The following RSF1 variants were observed in gnomAD, a reference collection of about 807,000 sequenced individuals.
RSF1 encodes HBV pX-associated protein 8.
Under a neutral mutation model 145.2 loss-of-function variants are expected in RSF1, and 13 were observed. The observed-to-expected ratio is 0.09, with a 90% CI of 0.06 to 0.14. The LOEUF is 0.14. Among genes scored for constraint, RSF1 ranks in the 10% least tolerant of loss-of-function variants. The probability of loss-of-function intolerance (pLI) is 1.00; values close to 1 mark genes in which losing one functional copy is unlikely to be tolerated. For synonymous variants in RSF1, 577 were observed against 592.6 expected, an observed-to-expected ratio of 0.97 and a Z score of 0.38; for missense variants, 1,517 against 1,718.2, an observed-to-expected ratio of 0.88 and a Z score of 2.07.
intron 1 of RSF1, among the ~76,000 whole-genome samples, chr11:77,798,421 C>T (rs1948593569): frequency 6.6e-6 from 1 of 151,244 alleles, no homozygotes; most frequent in African/African-American, 2.4e-5. Flanking sequence ...CCCGTCTCTA[C>T]TAAAAATACA....
chr11:77,701,191 T>C lies in RSF1; in HGVS notation c.2038A>G (p.Met680Val). 6.2e-7 allele frequency: 1 copy of C among 1,614,166 alleles called. No homozygotes were observed. The highest frequency in any genetic ancestry group is 8.5e-7 in the Non-Finnish European group (1 of 1,180,026). Residue 680 changes from methionine to valine, a missense_variant, in exon 6 of 16, where the codon ATG becomes GTG. Met to Val is a conservative substitution (Grantham distance 21). Coordinates refer to ENST00000308488, the MANE Select transcript of RSF1 (RefSeq NM_016578.4). ...KEDSEFTKVE[M>V]DNLDNAQTSG... ...GTCTGGGCATTGTCCAGATTATCCA[T>C]TTCTACCTTTGTGAACTCAGAATCC...
intron 1 of RSF1, among the ~76,000 whole-genome samples, chr11:77,795,427 C>A (rs1439361518): frequency 1.3e-5 from 2 of 152,136 alleles, no homozygotes; most frequent in South Asian, 2.1e-4. Flanking sequence ...AGAGAGACAG[C>A]TGTCAACAAA....
the RSF1 span, among the ~76,000 whole-genome samples, chr11:77,849,902 C>T: frequency 1.3e-5 from 2 of 152,150 alleles, no homozygotes; most frequent in Non-Finnish European, 2.9e-5. Flanking sequence ...GATGCTTACT[C>T]CCTTCCCTTA....
chr11:77,822,585 A>G (rs1166148420), upstream of RSF1, among the ~76,000 whole-genome samples: 1 of 152,166 alleles, frequency 6.6e-6, no homozygotes, highest in African/African-American at 2.4e-5. Flanking sequence ...CCAGGTTTTA[A>G]AAAGGGGAAA....
upstream of RSF1, among the ~76,000 whole-genome samples, chr11:77,822,793 A>C (rs1205803763): frequency 2.0e-5 from 3 of 152,264 alleles, no homozygotes; most frequent in African/African-American, 7.2e-5. Flanking sequence ...TGTAAGAAAT[A>C]CTGATGTAAG....
At chr11:77,802,551 T>A (rs1268979849) in intron 1 of RSF1, among the ~76,000 whole-genome samples, 1 of 149,868 alleles carries the variant, frequency 6.7e-6, no homozygotes, top group East Asian at 1.9e-4. Context: ...AATTAATTAA[T>A]TTTTTTTTTG....
the RSF1 span, among the ~76,000 whole-genome samples, chr11:77,868,303 C>T: frequency 1.3e-5 from 2 of 151,758 alleles, no homozygotes; most frequent in East Asian, 1.9e-4. Context: ...GATCCACCCG[C>T]CTCAGCCTCC....
At chr11:77,716,949 G>A (rs529018966) in intron 5 of RSF1, among the ~76,000 whole-genome samples, 1 of 151,968 alleles carries the variant, frequency 6.6e-6, no homozygotes, top group Non-Finnish European at 1.5e-5. Flanking sequence ...AGGCCGAGAC[G>A]GGTGGATCAC....
chr11:77,800,785 C>T (rs1404486857), intron 1 of RSF1, among the ~76,000 whole-genome samples: 4 of 152,164 alleles, frequency 2.6e-5, no homozygotes, highest in African/African-American at 9.7e-5. Flanking sequence ...CAGCTTGAGC[C>T]CAAGACTTCA....
At chr11:77,779,584 G>T (rs1370593088) in intron 1 of RSF1, among the ~76,000 whole-genome samples, 1 of 152,024 alleles carries the variant, frequency 6.6e-6, no homozygotes, top group Non-Finnish European at 1.5e-5. Context: ...GTTTCTCCAT[G>T]TTGGTCAGGC....
chr11:77,835,402 G>A, the RSF1 span, among the ~76,000 whole-genome samples: 12 of 152,034 alleles, frequency 7.9e-5, no homozygotes, highest in East Asian at 1.9e-4. Flanking sequence ...TATACCTGCC[G>A]TATGTTGACT....
At chr11:77,723,609 A>G (rs1960987388) in intron 5 of RSF1, among the ~76,000 whole-genome samples, 1 of 152,270 alleles carries the variant, frequency 6.6e-6, no homozygotes, top group Non-Finnish European at 1.5e-5. Flanking sequence ...AAGGACGGTA[A>G]TCAACATTTC....
At chr11:77,690,964 T>C (rs1025235990) in intron 9 of RSF1, 195 bp downstream of exon 9, 3 of 534,334 alleles carry the variant, frequency 5.6e-6, no homozygotes, top group Admixed American at 7.1e-5. Context: ...ATGATTCTAG[T>C]TTTTCCCCCC....
At chr11:77,859,391 TA>T in the RSF1 span, among the ~76,000 whole-genome samples, 1 of 152,222 alleles carries the variant, frequency 6.6e-6, no homozygotes, top group Non-Finnish European at 1.5e-5. Context: ...GTACAGCCAA[TA>T]ATAATTTCCT....
chr11:77,733,463 G>A (rs1039477841), intron 4 of RSF1, among the ~76,000 whole-genome samples: 4 of 151,960 alleles, frequency 2.6e-5, no homozygotes, highest in Non-Finnish European at 4.4e-5. Context: ...TCCTGAAGAA[G>A]CTTGTGATGG....
intron 1 of RSF1, among the ~76,000 whole-genome samples, chr11:77,795,031 T>C (rs1436330406): frequency 1.3e-5 from 2 of 152,062 alleles, no homozygotes; most frequent in African/African-American, 4.8e-5. Context: ...TAAAAATCAG[T>C]AGCATTTTTA....
At chr11:77,733,391 C>T (rs1961256639) in intron 4 of RSF1, among the ~76,000 whole-genome samples, 1 of 151,778 alleles carries the variant, frequency 6.6e-6, no homozygotes. Flanking sequence ...TAATAGTCTG[C>T]ATATAACTTT....
At position 77,674,932 on chromosome 11, in the gene RSF1, G is replaced by C. The variant is rs574994247; in HGVS notation, c.3562+104C>G. 1,314 of 845,010 alleles carry C rather than the reference G, an allele frequency of 1.6e-3. 4 individuals are homozygous for C. Among genetic ancestry groups the C allele is most frequent in the South Asian group, 2.6e-3 (144 of 55,428 alleles). 52.3% of individuals were successfully genotyped at this position (845,010 alleles called of 1,614,324 possible). On this transcript the variant is annotated intron_variant, in intron 14 of 15. Transcript: ENST00000308488. ...GAGAATCGCTTGAACCCGGGACACA[G>C]AGGTTGCAGTGAGCCGAGATGGTGC...
At chr11:77,846,796 GT>G in the RSF1 span, among the ~76,000 whole-genome samples, 1 of 152,196 alleles carries the variant, frequency 6.6e-6, no homozygotes, top group South Asian at 2.1e-4. Context: ...AAAGGTCCTT[GT>G]TTTTTAATTT....
Sources: gnomAD v4.1 joint callset for allele counts (sites outside exome capture counted in the v4.1 genomes callset) on GRCh38, gnomAD v4.1.1 for gene constraint, MANE v1.5 for transcripts, NCBI Gene and HGNC (gene_info 2026-07-23, HGNC 2026-07-21) for gene names.